SLC39A12: variants seen among roughly 807,000 people sequenced by gnomAD.
The protein encoded by SLC39A12 is zinc transporter ZIP12.
A neutral mutation model predicts 71.1 loss-of-function variants in SLC39A12; 63 were observed. That is an observed-to-expected ratio of 0.89 (90% confidence interval 0.72 to 1.09). The LOEUF (loss-of-function observed/expected upper bound fraction) is 1.09, where lower values mean the gene tolerates loss of function less well. Among genes scored for constraint, SLC39A12 ranks in the 50% least tolerant of loss-of-function variants. The probability of loss-of-function intolerance (pLI) is 0.00; values close to 1 mark genes in which losing one functional copy is unlikely to be tolerated. For synonymous variants in SLC39A12, 351 were observed against 301.3 expected (o/e 1.16, Z -1.71); for missense variants, 892 against 812.6 (o/e 1.10, Z -1.19).
intron 3 of SLC39A12, among the ~76,000 whole-genome samples, chr10:17,963,479 T>C (rs1213656913): frequency 6.6e-6 from 1 of 152,172 alleles, no homozygotes; most frequent in Non-Finnish European, 1.5e-5. Flanking sequence ...AAATCAGTAT[T>C]ATATCTAGAA....
intron 9 of SLC39A12, among the ~76,000 whole-genome samples, chr10:17,995,296 A>G (rs1307207901): frequency 6.6e-6 from 1 of 152,202 alleles, no homozygotes; most frequent in African/African-American, 2.4e-5. Flanking sequence ...TCCACCATAC[A>G]GGAGAAGTGC....
chr10:17,977,771 T>C (rs2130803718), intron 4 of SLC39A12, 131 bp from the exon 5 acceptor site: 1 of 646,748 alleles, frequency 1.5e-6, no homozygotes, highest in African/African-American at 1.9e-5. Context: ...ATGTCCATTC[T>C]GTCATCTCTA....
chr10:17,983,448 A>T (rs1835319544), intron 6 of SLC39A12, among the ~76,000 whole-genome samples: 1 of 152,026 alleles, frequency 6.6e-6, no homozygotes, highest in Non-Finnish European at 1.5e-5. Flanking sequence ...TGACAATGCC[A>T]TTGCACTCCA....
chr10:18,000,829 A>C lies in SLC39A12; in HGVS notation c.1759+4A>C. 2 of 1,613,382 alleles carry C rather than the reference A, an allele frequency of 1.2e-6. No homozygotes were observed. The highest frequency in any genetic ancestry group is 2.2e-5 in the South Asian group (2 of 90,870). On this transcript the variant is annotated splice_donor_region_variant and intron_variant, in intron 11 of 12. Coordinates refer to ENST00000377369, the MANE Select transcript of SLC39A12 (RefSeq NM_001145195.2). ...CATGAAATCCCACATGAAATGGGTA[A>C]GTTCAACAATGGAATTACTGTTTCT...
At chr10:17,992,020 T>C (rs375638379) in intron 8 of SLC39A12, among the ~76,000 whole-genome samples, 6 of 133,268 alleles carry the variant, frequency 4.5e-5, no homozygotes, top group South Asian at 2.3e-4. Context: ...ACCCAAGAGG[T>C]AGAGGTTGCA....
At chr10:18,019,508 G>GAT (rs1836471649) in intron 12 of SLC39A12, among the ~76,000 whole-genome samples, 1 of 151,788 alleles carries the variant, frequency 6.6e-6, no homozygotes, top group Admixed American at 6.6e-5. Context: ...ATTCCTTTCT[G>GAT]ATATATATAA....
rs769899785 is a variant in SLC39A12 at position 18,042,686 on chromosome 10, T to C, written c.1948-19T>C. ...TGAATATATCTGGATCTTATTCTGGTTTTTTATTCTTTTTTTAGCTTCCTG... is the reference window on the plus strand; with the variant it reads ...TGAATATATCTGGATCTTATTCTGGCTTTTTATTCTTTTTTTAGCTTCCTG... On this transcript the variant is annotated intron_variant, in intron 12 of 12. Coordinates refer to ENST00000377369, the MANE Select transcript of SLC39A12 (RefSeq NM_001145195.2). The C allele has an allele frequency of 1.3e-6, 2 of 1,597,650 alleles. No homozygotes were observed. The highest frequency in any genetic ancestry group is 1.4e-5 in the African/African-American group (1 of 73,804).
intron 2 of SLC39A12, among the ~76,000 whole-genome samples, chr10:17,959,886 C>T (rs1322445476): frequency 1.2e-4 from 19 of 152,144 alleles, no homozygotes; most frequent in Admixed American, 8.5e-4. Context: ...TTTCCTCTAA[C>T]ATCTTAAATT....
chr10:17,993,168 C>G lies in SLC39A12; in HGVS notation c.1423-13C>G. ...TCTGGCTTCAACACTAATTTTAAAC[C>G]ATCCTCATCCAGCAGGGCCTGTCAT... On this transcript the variant is annotated splice_polypyrimidine_tract_variant and intron_variant, in intron 8 of 12. Transcript: ENST00000377369. 1 of 1,538,174 alleles carries G rather than the reference C, an allele frequency of 6.5e-7. No individual in the cohort carries two copies. The highest frequency in any genetic ancestry group is 8.8e-7 in the Non-Finnish European group (1 of 1,136,052).
chr10:18,003,582 CA>C (rs1835899936), intron 12 of SLC39A12, among the ~76,000 whole-genome samples: 1 of 152,108 alleles, frequency 6.6e-6, no homozygotes, highest in Admixed American at 6.5e-5. Flanking sequence ...GTTAAAGTGA[CA>C]GGTGTGTGAT....
chr10:18,032,680 CA>C (rs1447737506), intron 12 of SLC39A12, among the ~76,000 whole-genome samples: 1 of 151,410 alleles, frequency 6.6e-6, no homozygotes, highest in African/African-American at 2.4e-5. Flanking sequence ...GAACTTCCAA[CA>C]CTATGTTGAA....
At chr10:17,993,419 T>C (rs907160043) in intron 9 of SLC39A12, 128 bp downstream of exon 9, 33 of 686,602 alleles carry the variant, frequency 4.8e-5, no homozygotes, top group Admixed American at 8.8e-5. Flanking sequence ...TTCTTAACTG[T>C]GATAAATACT....
intron 12 of SLC39A12, among the ~76,000 whole-genome samples, chr10:18,038,364 C>T (rs1462867184): frequency 1.3e-5 from 2 of 151,992 alleles, no homozygotes; most frequent in Non-Finnish European, 2.9e-5. Context: ...ATGGATTGGA[C>T]AATTGTTTTA....
intron 12 of SLC39A12, among the ~76,000 whole-genome samples, chr10:18,037,372 A>G (rs969031927): frequency 6.6e-6 from 1 of 152,066 alleles, no homozygotes; most frequent in Non-Finnish European, 1.5e-5. Flanking sequence ...CCTTGGTCAT[A>G]ATAGACAAGG....
intron 7 of SLC39A12, among the ~76,000 whole-genome samples, chr10:17,989,228 A>G (rs1421436244): frequency 1.3e-5 from 2 of 152,252 alleles, no homozygotes; most frequent in Non-Finnish European, 2.9e-5. Flanking sequence ...ATTTTCCACA[A>G]GCCTCTGGCA....
intron 10 of SLC39A12, among the ~76,000 whole-genome samples, chr10:17,998,994 T>C (rs1835758534): frequency 6.6e-6 from 1 of 150,908 alleles, no homozygotes; most frequent in African/African-American, 2.4e-5. Flanking sequence ...GAATTTTTAT[T>C]GAGCACAATT....
chr10:17,989,070 G>T (rs957192799), intron 7 of SLC39A12, among the ~76,000 whole-genome samples: 21 of 152,184 alleles, frequency 1.4e-4, no homozygotes, highest in African/African-American at 4.3e-4. Context: ...GTTGACGTGT[G>T]CTGAGGCTCT....
At chr10:17,961,483 A>G in intron 2 of SLC39A12, 98 bp from the exon 3 acceptor site, 2 of 1,190,740 alleles carry the variant, frequency 1.7e-6, no homozygotes, top group Non-Finnish European at 2.3e-6. Context: ...TTCTGTTTAT[A>G]AAATGATAAG....
chr10:18,036,484 G>C (rs1837024098), intron 12 of SLC39A12, among the ~76,000 whole-genome samples: 2 of 152,046 alleles, frequency 1.3e-5, no homozygotes, highest in African/African-American at 4.8e-5. Flanking sequence ...CCCAGATGAG[G>C]CAATGCCTCG....
Sources: allele counts gnomAD v4.1 joint callset (sites outside exome capture counted in the v4.1 genomes callset), GRCh38; gene constraint gnomAD v4.1.1; transcripts MANE v1.5; gene names NCBI Gene and HGNC (gene_info 2026-07-23, HGNC 2026-07-21).